The following STARD13 variants were observed in gnomAD, a reference collection of about 807,000 sequenced individuals.
STARD13 encodes StAR related lipid transfer domain containing 13.
Under a neutral mutation model 106.4 loss-of-function variants are expected in STARD13, and 62 were observed. The ratio of observed to expected loss-of-function variants is 0.58; its 90% CI spans 0.48 to 0.72. STARD13 has a LOEUF of 0.72. Among genes scored for constraint, STARD13 ranks in the 30% least tolerant of loss-of-function variants. The pLI is 0.00. For missense variants in STARD13, 1,387 were observed against 1,424.0 expected, an observed-to-expected ratio of 0.97 and a Z score of 0.42; for synonymous variants, 565 against 553.0, an observed-to-expected ratio of 1.02 and a Z score of -0.31.
the STARD13 span, among the ~76,000 whole-genome samples, chr13:33,459,854 T>C: frequency 1.7e-4 from 26 of 152,234 alleles, no homozygotes; most frequent in African/African-American, 5.5e-4. Context: ...ACACTTTCTT[T>C]TTCAGGACAT....
At position 33,217,920 on chromosome 13, in the gene STARD13, G is replaced by A. The variant is rs192148324; in HGVS notation, c.170-50298C>T. ...CGAGTGATTTATTTTAAAAGAGAAAGACAAGGGAAATGAACATTTACTGAG... is the reference window on the plus strand; with the variant it reads ...CGAGTGATTTATTTTAAAAGAGAAAAACAAGGGAAATGAACATTTACTGAG... On this transcript the variant is annotated intron_variant, in intron 1 of 13. Coordinates refer to ENST00000336934, the MANE Select transcript of STARD13 (RefSeq NM_178006.4). Among the ~76,000 whole-genome samples the A allele has an allele frequency of 5.3e-5, 8 of 152,238 alleles. No individual in the cohort carries two copies. The East Asian group carries it at 7.7e-4, about 15-fold the overall frequency.
chr13:33,139,299 C>T (rs1279187344), intron 4 of STARD13, among the ~76,000 whole-genome samples: 3 of 152,236 alleles, frequency 2.0e-5, no homozygotes, highest in Admixed American at 1.3e-4. Flanking sequence ...AGTACTGCCT[C>T]TGCTATTTCT....
chr13:33,619,878 C>T, the STARD13 span, among the ~76,000 whole-genome samples: 2 of 152,134 alleles, frequency 1.3e-5, no homozygotes, highest in Non-Finnish European at 2.9e-5. Context: ...GCCTGGCCGA[C>T]ATGGTGAAAC....
intron 1 of STARD13, among the ~76,000 whole-genome samples, chr13:33,249,037 C>T (rs971278692): frequency 2.0e-5 from 3 of 152,120 alleles, no homozygotes; most frequent in Non-Finnish European, 4.4e-5. Context: ...TAAATGAGTA[C>T]TATATTTTAA....
intron 1 of STARD13, among the ~76,000 whole-genome samples, chr13:33,219,075 A>G (rs1243246350): frequency 2.6e-5 from 4 of 152,196 alleles, no homozygotes; most frequent in Non-Finnish European, 4.4e-5. Context: ...CTATTGTGAA[A>G]TACAATTACA....
At chr13:33,165,524 G>A in intron 2 of STARD13, 106 bp from the exon 3 acceptor site, 1 of 802,306 alleles carries the variant, frequency 1.2e-6, no homozygotes, top group Non-Finnish European at 2.1e-6. Context: ...TAATAGCAGT[G>A]ACTGCCCATC....
In STARD13 at chr13:33,259,174, C is replaced by T. The variant is rs147614593; in HGVS notation, c.169+26296G>A. 2.7e-3 allele frequency among the ~76,000 whole-genome samples: 414 copies of T among 152,326 alleles called. 1 individual carries two copies. Among genetic ancestry groups the T allele is most frequent in the Non-Finnish European group, 4.3e-3 (290 of 68,024 alleles). On this transcript the variant is annotated intron_variant, in intron 1 of 13. Transcript: ENST00000336934. ...CTGGAGGGTGGGGCCCACATCTTGTCTTGCCCAGCATCTAACAGTTGCTGA... is the reference window on the plus strand; with the variant it reads ...CTGGAGGGTGGGGCCCACATCTTGTTTTGCCCAGCATCTAACAGTTGCTGA...
the STARD13 span, among the ~76,000 whole-genome samples, chr13:33,542,801 C>T: frequency 6.6e-6 from 1 of 152,246 alleles, no homozygotes; most frequent in Non-Finnish European, 1.5e-5. Context: ...CCCCAGCGGC[C>T]CAGGCTCTGG....
chr13:33,458,956 G>T, the STARD13 span, among the ~76,000 whole-genome samples: 2 of 151,666 alleles, frequency 1.3e-5, no homozygotes, highest in African/African-American at 2.4e-5. Flanking sequence ...AAGTAGCTGG[G>T]ATTACAGGCA....
At chr13:33,224,287 T>C (rs1749473092) in intron 1 of STARD13, among the ~76,000 whole-genome samples, 1 of 152,220 alleles carries the variant, frequency 6.6e-6, no homozygotes, top group Non-Finnish European at 1.5e-5. Context: ...AAGCCCCAGC[T>C]GTATTTTCTT....
intron 1 of STARD13, among the ~76,000 whole-genome samples, chr13:33,229,640 CTATT>C (rs776964409): frequency 5.3e-4 from 81 of 152,340 alleles, no homozygotes; most frequent in Non-Finnish European, 6.9e-4. Flanking sequence ...TACTTCTAGT[CTATT>C]TACAGAAATG....
chr13:33,367,444 G>T, the STARD13 span, among the ~76,000 whole-genome samples: 1 of 152,050 alleles, frequency 6.6e-6, no homozygotes, highest in Non-Finnish European at 1.5e-5. Flanking sequence ...TCAGTTAACT[G>T]CAGTAAGGAG....
chr13:33,155,217 C>T (rs1054433812), intron 3 of STARD13, among the ~76,000 whole-genome samples: 2 of 152,176 alleles, frequency 1.3e-5, no homozygotes, highest in African/African-American at 4.8e-5. Flanking sequence ...TCCTGACTCG[C>T]TCCTCCTTCA....
chr13:33,367,252 T>TA, the STARD13 span, among the ~76,000 whole-genome samples: 19 of 152,238 alleles, frequency 1.2e-4, no homozygotes, highest in African/African-American at 4.3e-4. Flanking sequence ...ATGTTAGACA[T>TA]AAAAAAAGAA....
the STARD13 span, among the ~76,000 whole-genome samples, chr13:33,411,702 C>T: frequency 6.6e-6 from 1 of 152,164 alleles, no homozygotes; most frequent in Non-Finnish European, 1.5e-5. Context: ...TTCCAGACTG[C>T]CAAATGGGTG....
the STARD13 span, among the ~76,000 whole-genome samples, chr13:33,498,384 G>A: frequency 6.6e-6 from 1 of 152,158 alleles, no homozygotes; most frequent in Admixed American, 6.5e-5. Flanking sequence ...TTACATTAGG[G>A]ATTGTTAGAG....
At chr13:33,273,667 G>A (rs1891271157) in intron 1 of STARD13, among the ~76,000 whole-genome samples, 1 of 152,194 alleles carries the variant, frequency 6.6e-6, no homozygotes, top group Non-Finnish European at 1.5e-5. Context: ...AATCCTTAGA[G>A]GAAATGGGCA....
rs1331760011 is a variant in STARD13, at chr13:33,118,053, A to C, written c.2281+12T>G. On this transcript the variant is annotated intron_variant, in intron 8 of 13. Coordinates refer to ENST00000336934, the MANE Select transcript of STARD13 (RefSeq NM_178006.4). The stretch of plus-strand genomic sequence containing the variant: ...TGCCCACGAGAACACCAATCTCATT[A>C]TTTCCACTTACACTGATAGATATGG... The C allele has an allele frequency of 6.2e-7, 1 of 1,613,684 alleles. No homozygotes were observed. Among genetic ancestry groups the C allele is most frequent in the Non-Finnish European group, 8.5e-7 (1 of 1,179,740 alleles).
At chr13:33,337,780 C>T (rs1453218567) in intron 1 of STARD13, among the ~76,000 whole-genome samples, 2 of 152,212 alleles carry the variant, frequency 1.3e-5, no homozygotes, top group African/African-American at 4.8e-5. Flanking sequence ...CATGGCTCTA[C>T]AAGGAACTGG....
Sources: gnomAD v4.1 joint callset for allele counts (sites outside exome capture counted in the v4.1 genomes callset) on GRCh38, gnomAD v4.1.1 for gene constraint, MANE v1.5 for transcripts, NCBI Gene and HGNC (gene_info 2026-07-23, HGNC 2026-07-21) for gene names.